Variants in ASF1A observed in about 807,000 individuals in gnomAD.
The protein encoded by ASF1A is anti-silencing function 1A histone chaperone.
A neutral mutation model predicts 22.0 loss-of-function variants in ASF1A; 5 were observed. The ratio of observed to expected loss-of-function variants is 0.23; its 90% CI spans 0.12 to 0.48. The LOEUF (loss-of-function observed/expected upper bound fraction) is 0.48, where lower values mean the gene tolerates loss of function less well. Among genes scored for constraint, ASF1A ranks in the 20% least tolerant of loss-of-function variants. ASF1A has a pLI of 0.99. For synonymous variants in ASF1A, 97 were observed against 86.7 expected (o/e 1.12, Z -0.66); for missense variants, 137 against 240.6 (o/e 0.57, Z 2.85).
At chr6:118,902,139 TA>T in intron 2 of ASF1A, among the ~76,000 whole-genome samples, 1 of 152,326 alleles carries the variant, frequency 6.6e-6, no homozygotes, top group East Asian at 1.9e-4. Context: ...TGTGAGTGCA[TA>T]ACCATGTAAA....
intron 1 of ASF1A, among the ~76,000 whole-genome samples, chr6:118,895,259 G>T (rs570596144): frequency 9.9e-5 from 15 of 152,096 alleles, no homozygotes; most frequent in African/African-American, 3.6e-4. Flanking sequence ...GGTCCTCCTC[G>T]GCCGGCGCCC....
chr6:118,906,715 C>T lies in ASF1A; in HGVS notation c.403-687C>T, dbSNP rs1780201170. Reference sequence around the variant, plus strand: ...CTAGGATTCAGCATTCTTAAAGATACTTAGTATTTTCTGATTTTTCACTGG... The same window carrying T: ...CTAGGATTCAGCATTCTTAAAGATATTTAGTATTTTCTGATTTTTCACTGG... On this transcript the variant is annotated intron_variant, in intron 3 of 3. Coordinates refer to ENST00000229595, the MANE Select transcript of ASF1A (RefSeq NM_014034.3). Among the ~76,000 whole-genome samples the T allele has an allele frequency of 2.0e-5, 3 of 152,112 alleles. No individual in the cohort carries two copies. In the South Asian group the frequency reaches 6.2e-4, roughly 32 times the overall value.
At chr6:118,897,028 G>A (rs996595241) in intron 1 of ASF1A, among the ~76,000 whole-genome samples, 2 of 151,932 alleles carry the variant, frequency 1.3e-5, no homozygotes, top group Admixed American at 6.6e-5. Context: ...TTGTAGAGAC[G>A]GAGTTTTGCC....
At chr6:118,896,824 T>G (rs2114497730) in intron 1 of ASF1A, among the ~76,000 whole-genome samples, 1 of 133,494 alleles carries the variant, frequency 7.5e-6, no homozygotes, top group African/African-American at 2.6e-5. Context: ...GTTCTTAAAA[T>G]TAAACTATAG....
chr6:118,896,224 C>T (rs1400885298), intron 1 of ASF1A, among the ~76,000 whole-genome samples: 2 of 152,044 alleles, frequency 1.3e-5, no homozygotes, highest in Non-Finnish European at 1.5e-5. Flanking sequence ...TTAATATAAG[C>T]ATTGCAGCTA....
chr6:118,898,425 ATTTT>A (rs34394511), intron 1 of ASF1A, among the ~76,000 whole-genome samples: 1 of 140,512 alleles, frequency 7.1e-6, no homozygotes. Flanking sequence ...TTATGTAATA[ATTTT>A]TTTTTTTTTT....
At chr6:118,897,833 A>T (rs1282534889) in intron 1 of ASF1A, among the ~76,000 whole-genome samples, 2 of 151,936 alleles carry the variant, frequency 1.3e-5, no homozygotes, top group Non-Finnish European at 2.9e-5. Flanking sequence ...GGTTAAAAAA[A>T]AAAACAACAA....
At chr6:118,905,089 G>C (rs959772477) in intron 2 of ASF1A, among the ~76,000 whole-genome samples, 1 of 152,152 alleles carries the variant, frequency 6.6e-6, no homozygotes, top group African/African-American at 2.4e-5. Context: ...ACCCACCTTG[G>C]CCTCCCAAAG....
chr6:118,894,909 A>G (rs1562427101), intron 1 of ASF1A, among the ~76,000 whole-genome samples: 1 of 152,004 alleles, frequency 6.6e-6, no homozygotes, highest in East Asian at 1.9e-4. Flanking sequence ...CTGGGAAGGG[A>G]GAGGCTGTGC....
intron 1 of ASF1A, among the ~76,000 whole-genome samples, chr6:118,898,638 G>C (rs1008974692): frequency 6.6e-6 from 1 of 152,016 alleles, no homozygotes; most frequent in South Asian, 2.1e-4. Flanking sequence ...GGCTGGTCTC[G>C]AACTCCTGAC....
chr6:118,902,528 CTTT>C (rs33980013), intron 2 of ASF1A, among the ~76,000 whole-genome samples: 1,485 of 131,478 alleles, frequency 0.011, 26 homozygotes, highest in African/African-American at 0.04. Flanking sequence ...ACTGATAATA[CTTT>C]TTTTTTTTTT....
intron 2 of ASF1A, among the ~76,000 whole-genome samples, chr6:118,902,542 T>TG (rs1177091107): frequency 6.6e-6 from 1 of 151,574 alleles, no homozygotes; most frequent in Non-Finnish European, 1.5e-5. Flanking sequence ...TTTTTTTTTT[T>TG]TTTTGGCTAC....
In ASF1A at chr6:118,894,369, G is replaced by T; in HGVS notation, c.-45G>T. On this transcript the variant is annotated 5_prime_UTR_variant, in exon 1 of 4. Transcript: ENST00000229595. ...GCGGCCGCGCGCTGGACTTTATTGT[G>T]CCGCAACCAGCCCCAGTTCCCATTG... 2.0e-6 allele frequency: 3 copies of T among 1,536,152 alleles called. No homozygotes were observed. Among genetic ancestry groups the T allele is most frequent in the Non-Finnish European group, 2.6e-6 (3 of 1,146,212 alleles).
At chr6:118,896,443 C>T (rs1562428261) in intron 1 of ASF1A, among the ~76,000 whole-genome samples, 1 of 152,128 alleles carries the variant, frequency 6.6e-6, no homozygotes. Context: ...AGATAGATGA[C>T]TCAGGATGTC....
chr6:118,904,043 A>G (rs1203937526), intron 2 of ASF1A, among the ~76,000 whole-genome samples: 1 of 152,162 alleles, frequency 6.6e-6, no homozygotes, highest in Non-Finnish European at 1.5e-5. Context: ...TATCCCTTAG[A>G]AAAGGGAATA....
chr6:118,898,425 ATTTTTTTTT>A (rs34394511), intron 1 of ASF1A, among the ~76,000 whole-genome samples: 1 of 140,524 alleles, frequency 7.1e-6, no homozygotes, highest in Non-Finnish European at 1.5e-5. Context: ...TTATGTAATA[ATTTTTTTTT>A]TTTTTTTTTG....
intron 1 of ASF1A, among the ~76,000 whole-genome samples, chr6:118,898,426 T>C (rs1779582552): frequency 1.2e-5 from 1 of 85,128 alleles, no homozygotes; most frequent in East Asian, 2.4e-4. Flanking sequence ...TATGTAATAA[T>C]TTTTTTTTTT....
In ASF1A at chr6:118,894,834, G is replaced by T. The variant is rs1200087704; in HGVS notation, c.109+312G>T. Among the ~76,000 whole-genome samples the T allele has an allele frequency of 2.6e-5, 4 of 152,326 alleles. No homozygotes were observed. The South Asian group carries it at 8.3e-4, about 32-fold the overall frequency. On this transcript the variant is annotated intron_variant, in intron 1 of 3. Coordinates refer to ENST00000229595, the MANE Select transcript of ASF1A (RefSeq NM_014034.3). Reference sequence around the variant, plus strand: ...CACTCGCTCCCGCTGCGCCGCCTGAGGTCGCGCCGGGCTGGCTCCGCGCCG... The same window carrying T: ...CACTCGCTCCCGCTGCGCCGCCTGATGTCGCGCCGGGCTGGCTCCGCGCCG...
chr6:118,894,497 C>T lies in ASF1A; in HGVS notation c.84C>T (p.Phe28=). ...ACCCGTTCCAGTTCGAGATCACCTT[C>T]GAGTGCATCGAGGACCTGTCTGAAG... ...FYNPFQFEIT[F]ECIEDLSEDL... is the part of the protein sequence containing the mutation. The change falls in exon 1 of 4, where the codon TTC becomes TTT. Residue 28 remains phenylalanine, a synonymous_variant. Transcript: ENST00000229595. The T allele has an allele frequency of 5.9e-6, 9 of 1,537,182 alleles. No individual in the cohort carries two copies. The highest frequency in any genetic ancestry group is 1.2e-5 in the South Asian group (1 of 84,066).
Sources: gnomAD v4.1 joint callset for allele counts (sites outside exome capture counted in the v4.1 genomes callset) on GRCh38, gnomAD v4.1.1 for gene constraint, MANE v1.5 for transcripts, NCBI Gene and HGNC (gene_info 2026-07-23, HGNC 2026-07-21) for gene names.